Variants in SPIDR observed in about 807,000 individuals in gnomAD.
SPIDR encodes the protein scaffold protein involved in DNA repair.
In SPIDR, 93 loss-of-function variants were observed where a neutral mutation model predicts 104.6. The observed-to-expected ratio is 0.89, with a 90% confidence interval of 0.75 to 1.06. The LOEUF is 1.06. SPIDR is among the 50% of genes least tolerant of loss of function. The pLI is 0.00. For missense variants in SPIDR, 1,154 were observed against 1,111.2 expected (o/e 1.04, Z -0.55); for synonymous variants, 431 against 416.9 (o/e 1.03, Z -0.41).
In SPIDR at chr8:47,351,038, C is replaced by T. The variant is rs531306819; in HGVS notation, c.526-45338C>T. ...TGTAGATGCTCCTGCCTGTTAGTCT[C>T]TTCGTAGCTGGTCTGTTATCAGATT... is the stretch of plus-strand genomic sequence containing the variant. On this transcript the variant is annotated intron_variant, in intron 5 of 19. Transcript: ENST00000297423. 3.3e-5 allele frequency among the ~76,000 whole-genome samples: 5 copies of T among 152,318 alleles called. No homozygotes were observed. In the South Asian group the frequency reaches 1.0e-3, roughly 32 times the overall value.
chr8:47,452,801 C>G (rs1435859865), intron 8 of SPIDR, among the ~76,000 whole-genome samples: 1 of 152,138 alleles, frequency 6.6e-6, no homozygotes, highest in Non-Finnish European at 1.5e-5. Flanking sequence ...AAAACTGGCA[C>G]AAGACAGGGA....
intron 10 of SPIDR, chr8:47,659,685 G>C (rs1294847210): frequency 2.0e-6 from 2 of 982,686 alleles, no homozygotes; most frequent in South Asian, 4.7e-5. Flanking sequence ...GCTCCCTTGC[G>C]CTCAGGTTCC....
At chr8:47,389,418 G>A (rs782688196) in intron 5 of SPIDR, among the ~76,000 whole-genome samples, 1 of 152,056 alleles carries the variant, frequency 6.6e-6, no homozygotes, top group South Asian at 2.1e-4. Flanking sequence ...GGCCGGGCAC[G>A]GTGGCTCACA....
At chr8:47,580,430 T>C (rs1049752763) in intron 8 of SPIDR, among the ~76,000 whole-genome samples, 2 of 152,170 alleles carry the variant, frequency 1.3e-5, no homozygotes, top group Admixed American at 6.5e-5. Context: ...TCACAAGAAA[T>C]CTGTGTAGTG....
chr8:47,499,601 T>G (rs1400101929), intron 8 of SPIDR, among the ~76,000 whole-genome samples: 1 of 152,072 alleles, frequency 6.6e-6, no homozygotes, highest in African/African-American at 2.4e-5. Flanking sequence ...CTAGACTCAT[T>G]TAGCCATCTG....
At chr8:47,599,668 G>T (rs771225698) in intron 10 of SPIDR, among the ~76,000 whole-genome samples, 1 of 152,146 alleles carries the variant, frequency 6.6e-6, no homozygotes, top group Non-Finnish European at 1.5e-5. Context: ...TGTAAATGTC[G>T]TCTGTCTGCA....
chr8:47,698,576 A>G lies in SPIDR; in HGVS notation c.1686-1827A>G, dbSNP rs186157300. 2.3e-3 allele frequency among the ~76,000 whole-genome samples: 352 copies of G among 152,364 alleles called. 1 individual carries two copies. The highest frequency in any genetic ancestry group is 6.3e-3 in the African/African-American group (264 of 41,586). On this transcript the variant is annotated intron_variant, in intron 11 of 19. Coordinates refer to ENST00000297423, the MANE Select transcript of SPIDR (RefSeq NM_001080394.4). ...TAAGCATTGTGCATTAAATAAATGT[A>G]TAATATGTCTAAACTTTTTTAATTA...
rs556606336 is a variant in SPIDR, at chr8:47,478,291, G to T, written c.1097+37749G>T. Among the ~76,000 whole-genome samples the T allele has an allele frequency of 3.9e-5, 6 of 152,298 alleles. No homozygotes were observed. The South Asian group carries it at 8.3e-4, about 21-fold the overall frequency. On this transcript the variant is annotated intron_variant, in intron 8 of 19. Coordinates refer to ENST00000297423, the MANE Select transcript of SPIDR (RefSeq NM_001080394.4). ...CAACCAGCGGGGTGGTGACAGCGTG[G>T]TGGGGAGGATTAACCAGCAGCAAGA... is the stretch of plus-strand genomic sequence containing the variant.
intron 7 of SPIDR, among the ~76,000 whole-genome samples, chr8:47,413,614 C>T (rs564721863): frequency 1.4e-4 from 21 of 152,304 alleles, no homozygotes; most frequent in African/African-American, 4.6e-4. Context: ...CAAGTAGGAG[C>T]AAAACATGGG....
chr8:47,369,976 TAAAGA>T (rs2154294441), intron 5 of SPIDR, among the ~76,000 whole-genome samples: 1 of 152,220 alleles, frequency 6.6e-6, no homozygotes, highest in African/African-American at 2.4e-5. Context: ...TAACACAATG[TAAAGA>T]AATCTCTTTT....
chr8:47,493,137 A>T (rs1019179943), intron 8 of SPIDR, among the ~76,000 whole-genome samples: 2 of 152,010 alleles, frequency 1.3e-5, no homozygotes, highest in African/African-American at 2.4e-5. Flanking sequence ...GGTTATACAT[A>T]GGTTTGTTCT....
chr8:47,323,402 G>A (rs1233180286), intron 5 of SPIDR, among the ~76,000 whole-genome samples: 1 of 152,064 alleles, frequency 6.6e-6, no homozygotes, highest in Non-Finnish European at 1.5e-5. Context: ...TTTATTTCTG[G>A]TTGTTGTAAT....
chr8:47,550,068 G>A (rs201944317), intron 8 of SPIDR, among the ~76,000 whole-genome samples: 3 of 152,082 alleles, frequency 2.0e-5, no homozygotes, highest in Admixed American at 1.3e-4. Context: ...CAAAGATCAG[G>A]TGGTTGTAGA....
intron 6 of SPIDR, among the ~76,000 whole-genome samples, chr8:47,397,410 T>G (rs1263670678): frequency 6.6e-6 from 1 of 151,906 alleles, no homozygotes; most frequent in Non-Finnish European, 1.5e-5. Flanking sequence ...GCAGGAGAAT[T>G]GCTTGAATCT....
At chr8:47,343,682 A>G (rs1554615447) in intron 5 of SPIDR, among the ~76,000 whole-genome samples, 1 of 152,150 alleles carries the variant, frequency 6.6e-6, no homozygotes, top group African/African-American at 2.4e-5. Flanking sequence ...CACAGAACTG[A>G]TGGGCTAAAG....
At chr8:47,544,156 A>G (rs372599516) in intron 8 of SPIDR, among the ~76,000 whole-genome samples, 1 of 152,200 alleles carries the variant, frequency 6.6e-6, no homozygotes, top group East Asian at 1.9e-4. Context: ...AATGGCATCA[A>G]GCATCTTTTC....
At chr8:47,558,337 T>G (rs1378026081) in intron 8 of SPIDR, among the ~76,000 whole-genome samples, 1 of 152,206 alleles carries the variant, frequency 6.6e-6, no homozygotes, top group Non-Finnish European at 1.5e-5. Flanking sequence ...TAAAATTTGT[T>G]TTAAAAAAGA....
At chr8:47,311,865 C>T (rs1554585441) in intron 5 of SPIDR, among the ~76,000 whole-genome samples, 1 of 152,098 alleles carries the variant, frequency 6.6e-6, no homozygotes, top group Non-Finnish European at 1.5e-5. Context: ...GCTATCCCTC[C>T]CCACTTCCCC....
chr8:47,726,392 A>G (rs2154493270), intron 16 of SPIDR, among the ~76,000 whole-genome samples: 1 of 152,332 alleles, frequency 6.6e-6, no homozygotes, highest in South Asian at 2.1e-4. Flanking sequence ...CTATTTTTCT[A>G]GAAACTCAGA....
Sources: allele counts gnomAD v4.1 joint callset (sites outside exome capture counted in the v4.1 genomes callset), GRCh38; gene constraint gnomAD v4.1.1; transcripts MANE v1.5; gene names NCBI Gene and HGNC (gene_info 2026-07-23, HGNC 2026-07-21).